Variants in VPS39 observed in about 807,000 individuals in gnomAD.
VPS39 encodes vam6/Vps39-like protein.
Under a neutral mutation model 121.0 loss-of-function variants are expected in VPS39, and 70 were observed. That is an observed-to-expected ratio of 0.58 (90% CI 0.48 to 0.71). The LOEUF is 0.71. Ranked by LOEUF, VPS39 falls within the 30% of genes least tolerant of loss-of-function variation. VPS39 has a pLI of 0.00. For missense variants in VPS39, 818 were observed against 1,051.5 expected (o/e 0.78, Z 3.07); for synonymous variants, 378 against 398.1 (o/e 0.95, Z 0.60).
In VPS39 at chr15:42,189,187, T is replaced by G; in HGVS notation, c.269A>C (p.Asp90Ala). 6.2e-7 allele frequency: 1 copy of G among 1,613,468 alleles called. No individual in the cohort carries two copies. The highest frequency in any genetic ancestry group is 8.5e-7 in the Non-Finnish European group (1 of 1,179,504). The change falls in exon 5 of 25, where the codon GAC (aspartate) becomes GCC (alanine). Residue 90 changes from aspartate (D) to alanine (A), a missense_variant. Transcript: ENST00000318006. ...AGTGATTTGTTGAAATGTCAATAGG[T>G]CATGGACATAAATGTTATTTTCTGT... ...SLLENNIYVHDLLTFQQITTV... is the reference protein window; with the variant it reads ...SLLENNIYVHALLTFQQITTV...
Position 42,184,462 on chromosome 15 carries a change from G to A in VPS39, c.718+55C>T, listed in dbSNP as rs2049656943. On this transcript the variant is annotated intron_variant, in intron 8 of 24. Transcript: ENST00000318006. ...CTACGAATGGGACTCCGTTCTGCAG[G>A]AATGGCACACAACCTCAACCCAAAG... is the stretch of plus-strand genomic sequence containing the variant. The A allele has an allele frequency of 1.2e-5, 19 of 1,524,528 alleles. No homozygotes were observed. In the South Asian group the frequency reaches 1.7e-4, roughly 14 times the overall value. The allele number at this position is 1,524,528 out of a possible 1,614,324, so 94.4% of individuals were successfully genotyped here. A position where few individuals can be genotyped will look rare whatever the true frequency, so the allele number is the denominator to read the frequency against.
At chr15:42,175,429 GA>G (rs2049432705) in intron 10 of VPS39, among the ~76,000 whole-genome samples, 1 of 149,302 alleles carries the variant, frequency 6.7e-6, no homozygotes, top group South Asian at 2.1e-4. Flanking sequence ...AAAAAAGAAA[GA>G]AAAAAAACAG....
chr15:42,161,616 G>A (rs1224811974), intron 24 of VPS39, 66 bp downstream of exon 24: 3 of 1,502,350 alleles, frequency 2.0e-6, no homozygotes. Flanking sequence ...AATCCATCCT[G>A]AGCGTTCTCC....
chr15:42,163,220 C>T (rs897686076), intron 21 of VPS39, 130 bp downstream of exon 21: 11 of 1,120,424 alleles, frequency 9.8e-6, no homozygotes, highest in South Asian at 8.1e-5. Flanking sequence ...CCTCAATACA[C>T]ACATGCAAGA....
intron 11 of VPS39, among the ~76,000 whole-genome samples, chr15:42,173,165 T>C (rs1458267139): frequency 1.3e-5 from 2 of 152,232 alleles, no homozygotes; most frequent in East Asian, 1.9e-4. Context: ...ATAATCCTTA[T>C]AGCAGCACTC....
chr15:42,164,245 C>A, intron 19 of VPS39, 113 bp downstream of exon 19: 1 of 1,483,988 alleles, frequency 6.7e-7, no homozygotes, highest in Non-Finnish European at 9.1e-7. Flanking sequence ...GCCTGAAATG[C>A]CTGGTTTTTC....
chr15:42,165,124 A>G lies in VPS39; in HGVS notation c.1780-11T>C, dbSNP rs1464273730. The G allele has an allele frequency of 6.2e-7, 1 of 1,613,160 alleles. No homozygotes were observed. The highest frequency in any genetic ancestry group is 8.5e-7 in the Non-Finnish European group (1 of 1,179,248). On this transcript the variant is annotated splice_polypyrimidine_tract_variant and intron_variant, in intron 17 of 24. Transcript: ENST00000318006. ...ATGGATGATGTGTTCCTGAGGCAAG[A>G]TGTAGGTCTTTGTCACTGGTATTCT...
chr15:42,168,364 G>A (rs1181076105), intron 12 of VPS39, among the ~76,000 whole-genome samples: 2 of 120,024 alleles, frequency 1.7e-5, no homozygotes, highest in African/African-American at 6.5e-5. Context: ...TGTGTGCAGT[G>A]TGTAGGCAGT....
rs528847957 is a variant in VPS39 at position 42,204,955 on chromosome 15, C to T, written c.73+3126G>A. Among the ~76,000 whole-genome samples the T allele has an allele frequency of 2.0e-5, 3 of 152,172 alleles. No homozygotes were observed. The East Asian group carries it at 5.8e-4, about 29-fold the overall frequency. On this transcript the variant is annotated intron_variant, in intron 1 of 24. Coordinates refer to ENST00000318006, the MANE Select transcript of VPS39 (RefSeq NM_015289.5). ...TATACATTCAAGTTTGAGAACCAGG[C>T]TCTAGAAGCAGACATGATTTACAGG...
chr15:42,164,226 G>T, intron 19 of VPS39, 132 bp downstream of exon 19: 1 of 1,350,578 alleles, frequency 7.4e-7, no homozygotes, highest in South Asian at 1.4e-5. Context: ...GGACAAAACA[G>T]GAGCACTGGC....
intron 12 of VPS39, among the ~76,000 whole-genome samples, chr15:42,168,257 A>G (rs1240434742): frequency 2.0e-5 from 3 of 152,204 alleles, no homozygotes; most frequent in African/African-American, 7.2e-5. Flanking sequence ...ACGTGTGCTC[A>G]CCTTCCTACA....
chr15:42,165,785 G>C lies in VPS39; in HGVS notation c.1712C>G (p.Ser571Cys). Residue 571 changes from serine (S) to cysteine (C), a missense_variant, in exon 17 of 25, where the codon TCT becomes TGT. Ser to Cys is a moderately radical substitution (Grantham distance 112). Coordinates refer to ENST00000318006, the MANE Select transcript of VPS39 (RefSeq NM_015289.5). ...GCCGAGGACTCGATCACGTGGCAGA[G>C]ACTCCACTTCCGGGAGATCTTCAGT... is the stretch of plus-strand genomic sequence containing the variant. ...IFTEDLPEVE[S>C]LPRDRVLGFL... 4 of 1,614,186 alleles carry C rather than the reference G, an allele frequency of 2.5e-6. No individual in the cohort carries two copies. The highest frequency in any genetic ancestry group is 3.4e-6 in the Non-Finnish European group (4 of 1,180,030).
intron 2 of VPS39, among the ~76,000 whole-genome samples, chr15:42,193,498 CATTTTCTGTT>C (rs1256713694): frequency 2.0e-5 from 3 of 152,264 alleles, no homozygotes; most frequent in African/African-American, 7.2e-5. Flanking sequence ...ATGAACTTTT[CATTTTCTGTT>C]ACGTAAAAAA....
intron 10 of VPS39, among the ~76,000 whole-genome samples, chr15:42,174,605 T>C (rs1595654519): frequency 6.6e-6 from 1 of 152,178 alleles, no homozygotes; most frequent in Admixed American, 6.5e-5. Context: ...ATGATAAGCA[T>C]GTGGGAGGGG....
At chr15:42,185,132 C>CA (rs1325526857) in intron 7 of VPS39, among the ~76,000 whole-genome samples, 1 of 151,598 alleles carries the variant, frequency 6.6e-6, no homozygotes, top group Non-Finnish European at 1.5e-5. Flanking sequence ...CGCTTGTATG[C>CA]AAATGTCTTA....
chr15:42,178,498 A>G lies in VPS39; in HGVS notation c.791T>C (p.Leu264Pro). 6.2e-7 allele frequency: 1 copy of G among 1,614,208 alleles called. No homozygotes were observed. Among genetic ancestry groups the G allele is most frequent in the Non-Finnish European group, 8.5e-7 (1 of 1,180,034 alleles). ...VEIRTFEPRL[L>P]VQSIELQRPR... is the part of the protein sequence containing the mutation. The stretch of plus-strand genomic sequence containing the variant: ...CCTTTGCAATTCAATGCTTTGGACC[A>G]GAAGCCTCGGTTCAAATGTTCGGAT... The change falls in exon 9 of 25, where the codon CTG (leucine) becomes CCG (proline). Residue 264 changes from leucine to proline, a missense_variant. Coordinates refer to ENST00000318006, the MANE Select transcript of VPS39 (RefSeq NM_015289.5).
intron 21 of VPS39, among the ~76,000 whole-genome samples, chr15:42,163,078 G>A (rs562864014): frequency 6.6e-6 from 1 of 152,166 alleles, no homozygotes; most frequent in East Asian, 1.9e-4. Flanking sequence ...GTTCCCGCTC[G>A]ACAGGCAGAC....
intron 1 of VPS39, among the ~76,000 whole-genome samples, chr15:42,202,012 G>T (rs942680535): frequency 1.3e-5 from 2 of 152,146 alleles, no homozygotes; most frequent in African/African-American, 2.4e-5. Context: ...AGGAAGTTGA[G>T]GCCTAGGGAA....
intron 1 of VPS39, among the ~76,000 whole-genome samples, chr15:42,202,501 T>C (rs2050087787): frequency 1.3e-5 from 2 of 152,236 alleles, no homozygotes; most frequent in African/African-American, 4.8e-5. Context: ...AATATTAAAG[T>C]TGATTTTTAG....
Sources: gnomAD v4.1 joint callset for allele counts (sites outside exome capture counted in the v4.1 genomes callset) on GRCh38, gnomAD v4.1.1 for gene constraint, MANE v1.5 for transcripts, NCBI Gene and HGNC (gene_info 2026-07-23, HGNC 2026-07-21) for gene names.